Variants in ARAP2 observed in about 807,000 individuals in gnomAD.
ARAP2 encodes the protein ArfGAP with RhoGAP domain, ankyrin repeat and PH domain 2.
Under a neutral mutation model 194.5 loss-of-function variants are expected in ARAP2, and 148 were observed. The ratio of observed to expected loss-of-function variants is 0.76; its 90% CI spans 0.67 to 0.87. The LOEUF (loss-of-function observed/expected upper bound fraction) is 0.87. ARAP2 is among the 40% of genes least tolerant of loss of function. The probability of loss-of-function intolerance (pLI) is 0.00; values close to 1 mark genes in which losing one functional copy is unlikely to be tolerated. For synonymous variants in ARAP2, 695 were observed against 683.5 expected (o/e 1.02, Z -0.26); for missense variants, 2,128 against 1,989.7 (o/e 1.07, Z -1.32).
At chr4:36,242,710 A>G (rs1753751456) in intron 1 of ARAP2, among the ~76,000 whole-genome samples, 3 of 152,218 alleles carry the variant, frequency 2.0e-5, no homozygotes, top group Non-Finnish European at 2.9e-5. Context: ...TTGTTTTTAA[A>G]CGTACCATCA....
At position 36,165,039 on chromosome 4, in the gene ARAP2, G is replaced by A. The variant is rs1177423515; in HGVS notation, c.2048C>T (p.Ser683Phe). 3 of 1,613,954 alleles carry A rather than the reference G, an allele frequency of 1.9e-6. No homozygotes were observed. The highest frequency in any genetic ancestry group is 2.5e-6 in the Non-Finnish European group (3 of 1,179,958). ...AVQQSIAETL[S>F]DYEVAEKIWF... is the part of the protein sequence containing the mutation. Reference sequence around the variant, plus strand: ...AATCTTCTCAGCTACTTCATAATCAGAGAGAGTTTCTGCTATTGATTGCTG... The same window carrying A: ...AATCTTCTCAGCTACTTCATAATCAAAGAGAGTTTCTGCTATTGATTGCTG... Residue 683 changes from serine (S) to phenylalanine (F), a missense_variant, in exon 11 of 33, where the codon TCT becomes TTT. Coordinates refer to ENST00000303965, the MANE Select transcript of ARAP2 (RefSeq NM_015230.4).
At chr4:36,096,374 A>AAAAAG (rs1553899091) in intron 27 of ARAP2, among the ~76,000 whole-genome samples, 1 of 142,084 alleles carries the variant, frequency 7.0e-6, no homozygotes, top group African/African-American at 2.9e-5. Flanking sequence ...AAAAAAAAAA[A>AAAAAG]AAAAAAGAAA....
chr4:36,028,315 T>A (rs1718291858), intron 5 of ARAP2, among the ~76,000 whole-genome samples: 1 of 152,142 alleles, frequency 6.6e-6, no homozygotes, highest in African/African-American at 2.4e-5. Flanking sequence ...TGAAAGGAAC[T>A]AAATATGGTG....
At position 36,210,484 on chromosome 4, in the gene ARAP2, C is replaced by G; in HGVS notation, c.1393G>C (p.Val465Leu). Reference sequence around the variant, plus strand: ...TAGGGAGATATTGCCTGTGAAGAAACGGCTGATGAATCAGCATTTCCACTT... The same window carrying G: ...TAGGGAGATATTGCCTGTGAAGAAAGGGCTGATGAATCAGCATTTCCACTT... ...STSGNADSSA[V>L]SSQAISPYAC... Residue 465 changes from valine to leucine, a missense_variant, in exon 6 of 33, where the codon GTT becomes CTT. Val to Leu is a conservative substitution (Grantham distance 32). Transcript: ENST00000303965. 1 of 1,613,896 alleles carries G rather than the reference C, an allele frequency of 6.2e-7. No individual in the cohort carries two copies. The highest frequency in any genetic ancestry group is 8.5e-7 in the Non-Finnish European group (1 of 1,179,840).
intron 19 of ARAP2, among the ~76,000 whole-genome samples, chr4:36,137,203 ATCTGTTTCTT>A (rs1009834364): frequency 2.0e-5 from 3 of 151,892 alleles, no homozygotes; most frequent in African/African-American, 7.2e-5. Flanking sequence ...AAGGCACAAT[ATCTGTTTCTT>A]TCAATATATT....
At chr4:36,043,858 G>GAA (rs1721349395) in intron 5 of ARAP2, among the ~76,000 whole-genome samples, 3 of 89,308 alleles carry the variant, frequency 3.4e-5, no homozygotes, top group African/African-American at 8.4e-5. Flanking sequence ...GAGGGGAGGG[G>GAA]GGAGGGGAAG....
intron 9 of ARAP2, among the ~76,000 whole-genome samples, chr4:36,177,407 A>G (rs192181209): frequency 6.6e-6 from 1 of 152,234 alleles, no homozygotes; most frequent in Admixed American, 6.5e-5. Context: ...ACTCAAGCAA[A>G]TATGTTACCT....
chr4:36,107,533 T>C, intron 27 of ARAP2, 32 bp downstream of exon 27: 2 of 1,571,194 alleles, frequency 1.3e-6, no homozygotes, highest in African/African-American at 1.4e-5. Flanking sequence ...GAATTTTCAA[T>C]CATAGCTGCA....
At chr4:36,234,865 A>ATAAG in intron 1 of ARAP2, among the ~76,000 whole-genome samples, 1 of 152,220 alleles carries the variant, frequency 6.6e-6, no homozygotes, top group East Asian at 1.9e-4. Flanking sequence ...TTACTTGCTT[A>ATAAG]TAAGCATGGT....
rs557825206 is a variant in ARAP2, at chr4:36,107,648, C to T, written c.4202G>A (p.Arg1401Gln). ...YKENVLEQVL[R>Q]WSSLAEPGSA... The stretch of plus-strand genomic sequence containing the variant: ...GCCAGGTTCAGCTAATGAACTCCAC[C>T]GAAGCACCTGCTCCAGTACATTTTC... The change falls in exon 27 of 33, where the codon CGG becomes CAG. Residue 1401 changes from arginine to glutamine, a missense_variant. Transcript: ENST00000303965. The T allele has an allele frequency of 9.3e-5, 150 of 1,610,490 alleles. 1 individual carries two copies. The South Asian group carries it at 1.3e-3, about 14-fold the overall frequency.
chr4:36,067,828 A>G lies in ARAP2; in HGVS notation c.*79T>C. ...TAGGCAAATTCTTATGAATTATCTTATAGTTCAGTTTTGGAGTTACACATA... is the reference window on the plus strand; with the variant it reads ...TAGGCAAATTCTTATGAATTATCTTGTAGTTCAGTTTTGGAGTTACACATA... On this transcript the variant is annotated 3_prime_UTR_variant, in exon 33 of 33. Transcript: ENST00000303965. The G allele has an allele frequency of 6.9e-7, 1 of 1,459,732 alleles. No homozygotes were observed. Among genetic ancestry groups the G allele is most frequent in the Non-Finnish European group, 9.1e-7 (1 of 1,094,582 alleles). The allele number at this position is 1,459,732 out of a possible 1,614,324, so 90.4% of individuals were successfully genotyped here.
At chr4:36,108,412 T>G (rs1161002550) in intron 26 of ARAP2, among the ~76,000 whole-genome samples, 1 of 151,992 alleles carries the variant, frequency 6.6e-6, no homozygotes, top group African/African-American at 2.4e-5. Flanking sequence ...AATATTTTCA[T>G]AATCAATACA....
At chr4:36,097,014 G>C (rs999550030) in intron 27 of ARAP2, among the ~76,000 whole-genome samples, 2 of 152,068 alleles carry the variant, frequency 1.3e-5, no homozygotes, top group Admixed American at 6.6e-5. Flanking sequence ...CCTTCTGACA[G>C]TACTTTTCAT....
chr4:36,204,001 C>T (rs1163527400), intron 6 of ARAP2, among the ~76,000 whole-genome samples: 1 of 151,970 alleles, frequency 6.6e-6, no homozygotes, highest in Admixed American at 6.6e-5. Context: ...GTCAAAAGAA[C>T]ATGTTTTGTA....
At chr4:36,140,760 A>T (rs890760056) in intron 19 of ARAP2, among the ~76,000 whole-genome samples, 4 of 151,736 alleles carry the variant, frequency 2.6e-5, no homozygotes, top group Non-Finnish European at 5.9e-5. Context: ...TGTGAAACAT[A>T]CTGATAAAGT....
chr4:36,133,411 T>C, intron 19 of ARAP2, 22 bp from the exon 20 acceptor site: 1 of 1,591,086 alleles, frequency 6.3e-7, no homozygotes, highest in Non-Finnish European at 8.6e-7. Flanking sequence ...AAAAAGCATT[T>C]CAAATTATAA....
intron 1 of ARAP2, among the ~76,000 whole-genome samples, chr4:36,058,820 AAT>A (rs1379366875): frequency 4.6e-5 from 7 of 152,066 alleles, no homozygotes; most frequent in African/African-American, 1.7e-4. Flanking sequence ...TATACTAATA[AAT>A]ATGTCAATTA....
At chr4:36,040,541 A>G (rs189853817) in intron 5 of ARAP2, among the ~76,000 whole-genome samples, 182 of 151,984 alleles carry the variant, frequency 1.2e-3, no homozygotes, top group African/African-American at 4.0e-3. Context: ...TGGAATTCTC[A>G]TTTTAGAGGT....
At chr4:36,183,626 T>C (rs1320064707) in intron 8 of ARAP2, among the ~76,000 whole-genome samples, 1 of 152,220 alleles carries the variant, frequency 6.6e-6, no homozygotes, top group Non-Finnish European at 1.5e-5. Flanking sequence ...CAATAGCTGT[T>C]ATGATCCACA....
Sources: gnomAD v4.1 joint callset for allele counts (sites outside exome capture counted in the v4.1 genomes callset) on GRCh38, gnomAD v4.1.1 for gene constraint, MANE v1.5 for transcripts, NCBI Gene and HGNC (gene_info 2026-07-23, HGNC 2026-07-21) for gene names.